ABTB2: variants seen among roughly 807,000 people sequenced by gnomAD.
The protein encoded by ABTB2 is ankyrin repeat and BTB domain containing 2, also known as ankyrin repeat and BTB/POZ domain-containing protein 2.
In ABTB2, 56 loss-of-function variants were observed where a neutral mutation model predicts 104.1. That is an observed-to-expected ratio of 0.54 (90% CI 0.43 to 0.67). The LOEUF is 0.67. ABTB2 is among the 30% of genes least tolerant of loss of function. The pLI is 0.00. For missense variants in ABTB2, 1,279 were observed against 1,407.7 expected, an observed-to-expected ratio of 0.91 and a Z score of 1.46; for synonymous variants, 606 against 608.2, an observed-to-expected ratio of 1.00 and a Z score of 0.05.
In ABTB2 at chr11:34,357,190, G is replaced by A. The variant is rs951559467; in HGVS notation, c.394C>T (p.Leu132Phe). 38 of 1,508,396 alleles carry A rather than the reference G, an allele frequency of 2.5e-5. No individual in the cohort carries two copies. The African/African-American group carries it at 3.8e-4, about 15-fold the overall frequency. The allele number at this position is 1,508,396 out of a possible 1,614,324, so 93.4% of individuals were successfully genotyped here. A position where few individuals can be genotyped will look rare whatever the true frequency, so the allele number is the denominator to read the frequency against. The change falls in exon 1 of 17, where the codon CTC (leucine) becomes TTC (phenylalanine). Residue 132 changes from leucine to phenylalanine, a missense_variant. Coordinates refer to ENST00000435224, the MANE Select transcript of ABTB2 (RefSeq NM_145804.3). Reference sequence around the variant, plus strand: ...GCCACGCGGATCAGTGCCCTGCGGAGCAGCCCGGCCAGGCGCCTCACCGCC... The same window carrying A: ...GCCACGCGGATCAGTGCCCTGCGGAACAGCCCGGCCAGGCGCCTCACCGCC... Reference protein sequence around the residue: ...AEAVRRLAGLLRRALIRVARE... With the variant: ...AEAVRRLAGLFRRALIRVARE...
intron 1 of ABTB2, among the ~76,000 whole-genome samples, chr11:34,347,574 A>G (rs1044441715): frequency 1.3e-5 from 2 of 152,254 alleles, no homozygotes; most frequent in Non-Finnish European, 2.9e-5. Flanking sequence ...CCTTCCCTTC[A>G]TAACACTGGA....
chr11:34,168,057 G>T, intron 5 of ABTB2, 65 bp from the exon 6 acceptor site: 2 of 1,513,284 alleles, frequency 1.3e-6, no homozygotes, highest in South Asian at 2.3e-5. Flanking sequence ...GTGCCCACAG[G>T]CCTCTGCCCC....
intron 1 of ABTB2, among the ~76,000 whole-genome samples, chr11:34,253,631 G>A (rs1050365593): frequency 2.0e-5 from 3 of 151,224 alleles, no homozygotes; most frequent in African/African-American, 7.3e-5. Context: ...AGCAGAGAAC[G>A]TGCCACTGCA....
At chr11:34,264,066 A>T (rs1363932035) in intron 1 of ABTB2, among the ~76,000 whole-genome samples, 1 of 152,150 alleles carries the variant, frequency 6.6e-6, no homozygotes, top group Non-Finnish European at 1.5e-5. Flanking sequence ...GTTTTCTCTA[A>T]GGGAAGTAAC....
At position 34,160,015 on chromosome 11, in the gene ABTB2, A is replaced by G; in HGVS notation, c.2504-7T>C. ...TTGTTCAAAAAGTGTGGATCTGTGA[A>G]AAGCGGGGAGACAGAGGGATATGGC... On this transcript the variant is annotated splice_polypyrimidine_tract_variant and splice_region_variant and intron_variant, in intron 12 of 16. Transcript: ENST00000435224. 1 of 1,608,126 alleles carries G rather than the reference A, an allele frequency of 6.2e-7. No individual in the cohort carries two copies. The highest frequency in any genetic ancestry group is 8.5e-7 in the Non-Finnish European group (1 of 1,175,292).
chr11:34,354,502 T>A (rs960876929), intron 1 of ABTB2, among the ~76,000 whole-genome samples: 3 of 3,612 alleles, frequency 8.3e-4, no homozygotes, highest in Non-Finnish European at 1.3e-3. Context: ...GGGGTGGGGG[T>A]GGGGGGGTAG....
intron 1 of ABTB2, among the ~76,000 whole-genome samples, chr11:34,281,657 A>G (rs1030508471): frequency 6.6e-6 from 1 of 152,234 alleles, no homozygotes; most frequent in Non-Finnish European, 1.5e-5. Flanking sequence ...CCCACAAGGA[A>G]GCTGCACCAC....
At chr11:34,290,849 C>T (rs113176026) in intron 1 of ABTB2, among the ~76,000 whole-genome samples, 1 of 152,314 alleles carries the variant, frequency 6.6e-6, no homozygotes, top group African/African-American at 2.4e-5. Flanking sequence ...CTAAAATTAC[C>T]AGCTTAAACT....
chr11:34,341,723 G>A (rs961121436), intron 1 of ABTB2, among the ~76,000 whole-genome samples: 2 of 152,136 alleles, frequency 1.3e-5, no homozygotes, highest in African/African-American at 4.8e-5. Context: ...GGTCTCCTGG[G>A]CACCACAAGA....
intron 1 of ABTB2, among the ~76,000 whole-genome samples, chr11:34,299,222 G>A (rs1854666931): frequency 6.6e-6 from 1 of 152,098 alleles, no homozygotes; most frequent in Non-Finnish European, 1.5e-5. Context: ...TTGGACTGGG[G>A]GGCAGGAATG....
intron 1 of ABTB2, among the ~76,000 whole-genome samples, chr11:34,320,884 T>C (rs1185405754): frequency 6.6e-6 from 1 of 152,192 alleles, no homozygotes; most frequent in East Asian, 1.9e-4. Context: ...CTTTGCGCCA[T>C]TTAAAGATGT....
At chr11:34,182,926 G>A (rs1377712551) in intron 3 of ABTB2, among the ~76,000 whole-genome samples, 1 of 152,062 alleles carries the variant, frequency 6.6e-6, no homozygotes, top group Admixed American at 6.6e-5. Flanking sequence ...CCTATGTCAT[G>A]CACCTGCCAA....
intron 1 of ABTB2, among the ~76,000 whole-genome samples, chr11:34,246,276 C>T (rs546705141): frequency 7.9e-5 from 12 of 152,222 alleles, no homozygotes; most frequent in South Asian, 2.1e-4. Flanking sequence ...ATCCAAACTT[C>T]GATACAAGGG....
chr11:34,282,103 A>T (rs114152048), intron 1 of ABTB2, among the ~76,000 whole-genome samples: 1 of 152,156 alleles, frequency 6.6e-6, no homozygotes, highest in Non-Finnish European at 1.5e-5. Context: ...TAAGTGTCCA[A>T]TGAGGGCCTG....
At chr11:34,185,838 A>G (rs2133028183) in intron 3 of ABTB2, among the ~76,000 whole-genome samples, 1 of 152,372 alleles carries the variant, frequency 6.6e-6, no homozygotes, top group South Asian at 2.1e-4. Context: ...AGTTACCACC[A>G]TAAAGCACTG....
At chr11:34,208,979 C>T (rs1258979349) in intron 1 of ABTB2, among the ~76,000 whole-genome samples, 1 of 152,160 alleles carries the variant, frequency 6.6e-6, no homozygotes, top group Non-Finnish European at 1.5e-5. Flanking sequence ...CAGCTTTGTA[C>T]TCTTCAATGA....
At chr11:34,167,224 C>G (rs764982037) in intron 7 of ABTB2, 35 bp downstream of exon 7, 1 of 1,564,856 alleles carries the variant, frequency 6.4e-7, no homozygotes, top group East Asian at 2.3e-5. Context: ...ACCTGGTAAG[C>G]TGGGGGGCAT....
intron 3 of ABTB2, among the ~76,000 whole-genome samples, chr11:34,187,110 T>C (rs867645555): frequency 6.6e-5 from 10 of 152,218 alleles, no homozygotes; most frequent in South Asian, 2.1e-4. Context: ...GGGAATGTAA[T>C]AGTTTCCTCC....
intron 1 of ABTB2, among the ~76,000 whole-genome samples, chr11:34,245,899 G>A (rs1853978050): frequency 6.6e-6 from 1 of 152,220 alleles, no homozygotes; most frequent in South Asian, 2.1e-4. Context: ...ATGGTAAACT[G>A]AGTAATAAAC....
Sources: gnomAD v4.1 joint callset for allele counts (sites outside exome capture counted in the v4.1 genomes callset) on GRCh38, gnomAD v4.1.1 for gene constraint, MANE v1.5 for transcripts, NCBI Gene and HGNC (gene_info 2026-07-23, HGNC 2026-07-21) for gene names.